The following HELLS variants were observed in gnomAD, a reference collection of about 807,000 sequenced individuals.
HELLS encodes helicase, lymphoid specific, also known as lymphoid-specific helicase.
A neutral mutation model predicts 120.0 loss-of-function variants in HELLS; 32 were observed. That is an observed-to-expected ratio of 0.27 (90% CI 0.20 to 0.36). The LOEUF (loss-of-function observed/expected upper bound fraction) is 0.36, where lower values mean the gene tolerates loss of function less well. HELLS is among the 10% of genes least tolerant of loss of function. The pLI is 1.00. For synonymous variants in HELLS, 341 were observed against 323.4 expected, an observed-to-expected ratio of 1.05 and a Z score of -0.58; for missense variants, 650 against 993.4, an observed-to-expected ratio of 0.65 and a Z score of 4.65.
chr10:94,581,949 C>T (rs1201268186), intron 11 of HELLS, among the ~76,000 whole-genome samples: 1 of 152,044 alleles, frequency 6.6e-6, no homozygotes, highest in African/African-American at 2.4e-5. Flanking sequence ...AAGTTAAAAC[C>T]AAGGTCTCCC....
At chr10:94,602,467 G>C (rs560723734), downstream of HELLS, among the ~76,000 whole-genome samples, 5 of 152,288 alleles carry the variant, frequency 3.3e-5, no homozygotes, top group South Asian at 8.3e-4. Flanking sequence ...TTTAGACCCT[G>C]TGTGAAAGGA....
intron 6 of HELLS, among the ~76,000 whole-genome samples, chr10:94,567,228 T>C (rs1427693940): frequency 3.9e-5 from 6 of 152,138 alleles, no homozygotes; most frequent in Non-Finnish European, 7.4e-5. Context: ...ATAGATACAT[T>C]GTGTTTTCCT....
downstream of HELLS, among the ~76,000 whole-genome samples, chr10:94,603,323 C>T (rs1261919500): frequency 6.6e-6 from 1 of 152,156 alleles, no homozygotes; most frequent in African/African-American, 2.4e-5. Flanking sequence ...CGTCAGTGAC[C>T]TCATTTTACT....
downstream of HELLS, among the ~76,000 whole-genome samples, chr10:94,603,639 A>G (rs1214932552): frequency 6.6e-6 from 1 of 152,198 alleles, no homozygotes; most frequent in East Asian, 1.9e-4. Context: ...TAGGTGCTTG[A>G]TAACTATATC....
Position 94,554,178 on chromosome 10 carries a change from A to G in HELLS, c.206A>G (p.Gln69Arg), listed in dbSNP as rs1843126792. Residue 69 changes from glutamine (Q) to arginine (R), a missense_variant, in exon 3 of 22, where the codon CAA becomes CGA. This residue lies in a region of HELLS where 90 missense variants were observed against 93.6 expected (regional missense o/e 0.96). Coordinates refer to ENST00000348459, the MANE Select transcript of HELLS (RefSeq NM_018063.5). Reference sequence around the variant, plus strand: ...ACAGAAATTCGGTACCGTAGACTTCAACATTTGCTTGAAAAAAGCAATATA... The same window carrying G: ...ACAGAAATTCGGTACCGTAGACTTCGACATTTGCTTGAAAAAAGCAATATA... Reference protein sequence around the residue: ...ESTEIRYRRLQHLLEKSNIYS... With the variant: ...ESTEIRYRRLRHLLEKSNIYS... 6.3e-7 allele frequency: 1 copy of G among 1,584,020 alleles called. No individual in the cohort carries two copies. The highest frequency in any genetic ancestry group is 8.5e-7 in the Non-Finnish European group (1 of 1,171,130).
intron 7 of HELLS, among the ~76,000 whole-genome samples, chr10:94,572,412 C>A (rs1302942732): frequency 6.6e-6 from 1 of 152,130 alleles, no homozygotes; most frequent in African/African-American, 2.4e-5. Flanking sequence ...ACCCCCAAAC[C>A]CAGAGGAGGC....
At chr10:94,594,959 G>A in intron 19 of HELLS, 105 bp downstream of exon 19, 1 of 834,144 alleles carries the variant, frequency 1.2e-6, no homozygotes, top group Non-Finnish European at 1.8e-6. Context: ...GCCGAGTTCT[G>A]TGTCTCACAC....
intron 17 of HELLS, among the ~76,000 whole-genome samples, 174 bp from the exon 18 acceptor site, chr10:94,593,325 A>G (rs914445807): frequency 6.6e-6 from 1 of 152,226 alleles, no homozygotes; most frequent in East Asian, 1.9e-4. Context: ...AGGTGCTTGG[A>G]CGATAAAGCT....
At chr10:94,579,167 AC>A (rs1844680761) in intron 10 of HELLS, among the ~76,000 whole-genome samples, 1 of 150,342 alleles carries the variant, frequency 6.7e-6, no homozygotes, top group African/African-American at 2.5e-5. Context: ...ATGTAAAAGC[AC>A]CTGTAATTCT....
downstream of HELLS, among the ~76,000 whole-genome samples, chr10:94,606,201 T>C (rs1280014420): frequency 1.3e-5 from 2 of 151,958 alleles, no homozygotes; most frequent in Admixed American, 1.3e-4. Flanking sequence ...ACCATGCCCA[T>C]CTTTATGTTG....
intron 7 of HELLS, among the ~76,000 whole-genome samples, chr10:94,571,704 T>C (rs967997607): frequency 9.9e-5 from 15 of 152,252 alleles, no homozygotes; most frequent in Admixed American, 5.2e-4. Context: ...CTGGCAGTGA[T>C]ACAAGTGCTC....
At chr10:94,559,343 G>A (rs1278022483) in intron 4 of HELLS, among the ~76,000 whole-genome samples, 1 of 152,152 alleles carries the variant, frequency 6.6e-6, no homozygotes, top group African/African-American at 2.4e-5. Context: ...AGTACAAAAA[G>A]GCTGTGCCAT....
At chr10:94,575,296 G>C (rs1232020308) in intron 9 of HELLS, among the ~76,000 whole-genome samples, 1 of 151,304 alleles carries the variant, frequency 6.6e-6, no homozygotes, top group Non-Finnish European at 1.5e-5. Flanking sequence ...ACGATGTCTT[G>C]CCATGTTGGC....
At position 94,576,652 on chromosome 10, in the gene HELLS, A is replaced by C. The variant is rs1423909726; in HGVS notation, c.889-10A>C. The C allele has an allele frequency of 6.7e-7, 1 of 1,496,204 alleles. No individual in the cohort carries two copies. The highest frequency in any genetic ancestry group is 9.1e-7 in the Non-Finnish European group (1 of 1,101,858). 92.7% of individuals were successfully genotyped at this position (1,496,204 alleles called of 1,614,324 possible). A position where few individuals can be genotyped will look rare whatever the true frequency, so the allele number is the denominator to read the frequency against. On this transcript the variant is annotated splice_polypyrimidine_tract_variant and intron_variant, in intron 9 of 21. Transcript: ENST00000348459. ...TTAAGTCTGATAAAAATCAATATAA[A>C]ATTTTTCAGATCCCTACAATGTTAT...
intron 9 of HELLS, among the ~76,000 whole-genome samples, chr10:94,575,938 C>T (rs761612121): frequency 4.6e-5 from 7 of 152,012 alleles, no homozygotes; most frequent in African/African-American, 1.2e-4. Flanking sequence ...GCTGGGATTA[C>T]GGGCGTGCGC....
At chr10:94,555,963 GTTTC>G (rs1843239646) in intron 3 of HELLS, among the ~76,000 whole-genome samples, 1 of 152,134 alleles carries the variant, frequency 6.6e-6, no homozygotes. Context: ...AAACTTTAAT[GTTTC>G]TTTGAGTTCT....
At chr10:94,563,010 T>TTGAATTTAATATTA in intron 6 of HELLS, 134 bp downstream of exon 6, 1 of 618,086 alleles carries the variant, frequency 1.6e-6, no homozygotes, top group Non-Finnish European at 2.8e-6. Flanking sequence ...TATATATCAT[T>TTGAATTTAATATTA]TATAGGTGAA....
Position 94,562,804 on chromosome 10 carries a change from T to C in HELLS, c.371-8T>C. On this transcript the variant is annotated splice_region_variant and splice_polypyrimidine_tract_variant and intron_variant, in intron 5 of 21. Transcript: ENST00000348459. ...AATTGCTATCAAAAATAAAATTTTTTTTTATAGTTATGAGGAAAAAAAGAG... is the reference window on the plus strand; with the variant it reads ...AATTGCTATCAAAAATAAAATTTTTCTTTATAGTTATGAGGAAAAAAAGAG... 1 of 1,555,372 alleles carries C rather than the reference T, an allele frequency of 6.4e-7. No individual in the cohort carries two copies.
intron 6 of HELLS, among the ~76,000 whole-genome samples, chr10:94,563,808 C>CTTTTTTT (rs10623208): frequency 1.6e-4 from 22 of 136,350 alleles, no homozygotes; most frequent in East Asian, 2.2e-4. Context: ...GTTTTCTTTT[C>CTTTTTTT]TTTTTTTTTT....
Sources: allele counts gnomAD v4.1 joint callset (sites outside exome capture counted in the v4.1 genomes callset), GRCh38; gene constraint gnomAD v4.1.1; regional missense constraint gnomAD v4.1.1; transcripts MANE v1.5; gene names NCBI Gene and HGNC (gene_info 2026-07-23, HGNC 2026-07-21).